UNC5C: variants seen among roughly 807,000 people sequenced by gnomAD.
UNC5C encodes the protein unc-5 netrin receptor C.
Under a neutral mutation model 99.8 loss-of-function variants are expected in UNC5C, and 47 were observed. The observed-to-expected ratio is 0.47, with a 90% confidence interval of 0.37 to 0.60. The LOEUF (loss-of-function observed/expected upper bound fraction) is 0.60, where lower values mean the gene tolerates loss of function less well. Ranked by LOEUF, UNC5C falls within the 20% of genes least tolerant of loss-of-function variation. The pLI, the probability that UNC5C is intolerant of heterozygous loss-of-function variation, is 0.00. For missense variants in UNC5C, 1,062 were observed against 1,165.9 expected (o/e 0.91, Z 1.30); for synonymous variants, 487 against 452.2 (o/e 1.08, Z -0.98).
At chr4:95,293,220 G>C (rs1262946816) in intron 3 of UNC5C, among the ~76,000 whole-genome samples, 1 of 150,092 alleles carries the variant, frequency 6.7e-6, no homozygotes, top group Non-Finnish European at 1.5e-5. Context: ...GATGTGGTTA[G>C]AGCAGACAAA....
At chr4:95,476,570 T>A (rs1010016337) in intron 1 of UNC5C, among the ~76,000 whole-genome samples, 7 of 152,138 alleles carry the variant, frequency 4.6e-5, no homozygotes, top group Non-Finnish European at 1.0e-4. Context: ...TTGCTAAATT[T>A]AAAAACACGA....
At chr4:95,480,734 A>G (rs1721123394) in intron 1 of UNC5C, among the ~76,000 whole-genome samples, 1 of 152,130 alleles carries the variant, frequency 6.6e-6, no homozygotes, top group Non-Finnish European at 1.5e-5. Context: ...AATCCAGCAT[A>G]TAAACAAAAC....
intron 2 of UNC5C, among the ~76,000 whole-genome samples, chr4:95,328,148 C>T (rs1262989928): frequency 2.4e-4 from 26 of 108,006 alleles, no homozygotes; most frequent in African/African-American, 8.0e-4. Flanking sequence ...ATGTGCCATG[C>T]TGGTGCACTG....
intron 12 of UNC5C, among the ~76,000 whole-genome samples, chr4:95,197,787 C>T (rs1019517354): frequency 1.1e-4 from 17 of 152,072 alleles, no homozygotes; most frequent in Non-Finnish European, 1.9e-4. Flanking sequence ...TTTTTCATAG[C>T]AACTCATCAA....
At chr4:95,419,824 T>C (rs1019569945) in intron 1 of UNC5C, among the ~76,000 whole-genome samples, 8 of 152,068 alleles carry the variant, frequency 5.3e-5, no homozygotes, top group Non-Finnish European at 8.8e-5. Context: ...CTGGATATAC[T>C]AGATAATATT....
chr4:95,202,990 G>A (rs1737744107), intron 11 of UNC5C, 26 bp from the exon 12 acceptor site: 4 of 1,611,968 alleles, frequency 2.5e-6, no homozygotes, highest in Non-Finnish European at 3.4e-6. Context: ...GAAGGGCCAT[G>A]GCTAAGTCAC....
At chr4:95,262,511 C>T (rs953112102) in intron 4 of UNC5C, among the ~76,000 whole-genome samples, 1 of 152,158 alleles carries the variant, frequency 6.6e-6, no homozygotes, top group Non-Finnish European at 1.5e-5. Context: ...GCTACCTAGA[C>T]AGGCGAGCAG....
At chr4:95,278,180 G>T in intron 4 of UNC5C, 79 bp downstream of exon 4, 2 of 1,182,374 alleles carry the variant, frequency 1.7e-6, no homozygotes, top group Non-Finnish European at 2.5e-6. Context: ...CTAATTCACT[G>T]CACCATTAGC....
chr4:95,427,808 C>T (rs1315593998), intron 1 of UNC5C, among the ~76,000 whole-genome samples: 1 of 151,974 alleles, frequency 6.6e-6, no homozygotes, highest in African/African-American at 2.4e-5. Flanking sequence ...GAGGTATGTT[C>T]GTATTTGCTT....
At chr4:95,430,251 T>C (rs1578159144) in intron 1 of UNC5C, among the ~76,000 whole-genome samples, 1 of 152,070 alleles carries the variant, frequency 6.6e-6, no homozygotes, top group African/African-American at 2.4e-5. Flanking sequence ...AGGCTATGCA[T>C]ATGTGGGAGG....
chr4:95,349,658 A>G (rs187128794), intron 1 of UNC5C, among the ~76,000 whole-genome samples: 1 of 152,032 alleles, frequency 6.6e-6, no homozygotes, highest in East Asian at 2.0e-4. Flanking sequence ...AAGTCTCTTC[A>G]TTAAATTCAA....
intron 1 of UNC5C, among the ~76,000 whole-genome samples, chr4:95,453,414 A>G (rs1747330065): frequency 6.6e-6 from 1 of 152,114 alleles, no homozygotes; most frequent in Non-Finnish European, 1.5e-5. Flanking sequence ...TCTGGAGCCA[A>G]TTCCATAGTC....
chr4:95,540,434 T>C (rs1286406653), intron 1 of UNC5C, among the ~76,000 whole-genome samples: 1 of 152,166 alleles, frequency 6.6e-6, no homozygotes, highest in Non-Finnish European at 1.5e-5. Context: ...GCTCTGTGGG[T>C]GATGGCTGTG....
intron 1 of UNC5C, among the ~76,000 whole-genome samples, chr4:95,432,611 C>T (rs917142275): frequency 6.6e-6 from 1 of 152,010 alleles, no homozygotes; most frequent in African/African-American, 2.4e-5. Context: ...AGTGGTTGGT[C>T]AGAACCCTGT....
chr4:95,520,896 GC>G (rs1343413422), intron 1 of UNC5C, among the ~76,000 whole-genome samples: 1 of 152,016 alleles, frequency 6.6e-6, no homozygotes, highest in Non-Finnish European at 1.5e-5. Context: ...ACCGCGCCCG[GC>G]CTAGTATATC....
At chr4:95,335,854 T>C (rs1743318223) in intron 1 of UNC5C, among the ~76,000 whole-genome samples, 1 of 151,878 alleles carries the variant, frequency 6.6e-6, no homozygotes, top group Non-Finnish European at 1.5e-5. Context: ...GGAGGATAAG[T>C]AAGTTGCCCT....
intron 1 of UNC5C, among the ~76,000 whole-genome samples, chr4:95,471,985 G>T (rs560508052): frequency 1.1e-4 from 17 of 152,176 alleles, no homozygotes; most frequent in African/African-American, 4.1e-4. Flanking sequence ...CACATTAAGA[G>T]GATGTTTTCT....
At chr4:95,438,873 C>T (rs1313161283) in intron 1 of UNC5C, among the ~76,000 whole-genome samples, 1 of 151,972 alleles carries the variant, frequency 6.6e-6, no homozygotes, top group African/African-American at 2.4e-5. Flanking sequence ...TTTAGTTTTC[C>T]AGAAATGAGC....
intron 12 of UNC5C, among the ~76,000 whole-genome samples, chr4:95,187,082 G>A (rs1287284964): frequency 6.6e-6 from 1 of 152,188 alleles, no homozygotes; most frequent in Non-Finnish European, 1.5e-5. Flanking sequence ...TGCTTCAGCA[G>A]GAAGGCATAA....
Sources: allele counts gnomAD v4.1 joint callset (sites outside exome capture counted in the v4.1 genomes callset), GRCh38; gene constraint gnomAD v4.1.1; transcripts MANE v1.5; gene names NCBI Gene and HGNC (gene_info 2026-07-23, HGNC 2026-07-21).